NTMT1: variants seen among roughly 807,000 people sequenced by gnomAD.
The protein encoded by NTMT1 is N-terminal RCC1 methyltransferase.
NTMT1 carries 8 observed loss-of-function variants against 17.5 expected under a neutral mutation model. That is an observed-to-expected ratio of 0.46 (90% CI 0.27 to 0.82). The LOEUF is 0.82. Ranked by LOEUF, NTMT1 falls within the 40% of genes least tolerant of loss-of-function variation. NTMT1 has a pLI of 0.15. For missense variants in NTMT1, 221 were observed against 303.5 expected, an observed-to-expected ratio of 0.73 and a Z score of 2.02; for synonymous variants, 128 against 126.8, an observed-to-expected ratio of 1.01 and a Z score of -0.06.
rs1449895019 is a variant in NTMT1, at chr9:129,634,035, A to G, written c.163-19A>G. ...GGTGACAGGGTCCCTCTGATAGGTT[A>G]TATGCCTCTGCTTTTCAGGAAGGCC... On this transcript the variant is annotated intron_variant, in intron 2 of 3. Coordinates refer to ENST00000372483, the MANE Select transcript of NTMT1 (RefSeq NM_014064.4). 3.7e-6 allele frequency: 6 copies of G among 1,611,802 alleles called. No homozygotes were observed. Among genetic ancestry groups the G allele is most frequent in the Non-Finnish European group, 5.1e-6 (6 of 1,178,484 alleles).
At chr9:129,615,026 A>C (rs1830285443) in intron 1 of NTMT1, among the ~76,000 whole-genome samples, 1 of 152,220 alleles carries the variant, frequency 6.6e-6, no homozygotes, top group African/African-American at 2.4e-5. Flanking sequence ...AGGAGAGAGA[A>C]AGTTTCCGCT....
rs1831335639 is a variant in NTMT1, at chr9:129,633,815, A to G, written c.163-239A>G. 8 of 497,988 alleles carry G rather than the reference A, an allele frequency of 1.6e-5. No individual in the cohort carries two copies. The South Asian group carries it at 2.1e-4, about 13-fold the overall frequency. 30.8% of individuals were successfully genotyped at this position (497,988 alleles called of 1,614,324 possible). On this transcript the variant is annotated intron_variant, in intron 2 of 3. Transcript: ENST00000372483. ...ACCACTGCATTCCAACCTGAACAGA[A>G]TGCAGAATGCAACCTGAACTTTCAA... is the stretch of plus-strand genomic sequence containing the variant.
chr9:129,626,542 G>C (rs190210889), intron 1 of NTMT1: 4 of 152,652 alleles, frequency 2.6e-5, no homozygotes, highest in African/African-American at 9.6e-5. Flanking sequence ...CAAAGCCCAG[G>C]CAGGGCACTC....
intron 1 of NTMT1, among the ~76,000 whole-genome samples, chr9:129,632,259 T>C (rs549329028): frequency 6.6e-6 from 1 of 152,024 alleles, no homozygotes; most frequent in Non-Finnish European, 1.5e-5. Context: ...GACCAACCTT[T>C]GTAACATAGT....
intron 1 of NTMT1, chr9:129,612,319 G>A (rs1194897533): frequency 1.9e-6 from 3 of 1,584,944 alleles, no homozygotes; most frequent in Non-Finnish European, 1.7e-6. Flanking sequence ...TGGCCCATGT[G>A]TGCCCCTGGC....
Position 129,613,567 on chromosome 9 carries a change from G to A in NTMT1, c.-55+4389G>A, listed in dbSNP as rs1024080988. The A allele has an allele frequency of 8.1e-6, 13 of 1,614,142 alleles. No homozygotes were observed. ...CCGCTCGGACGCCACTGGCAGGGCG[G>A]CCTTCTGGTTCACAATGACGCTCTG... On this transcript the variant is annotated intron_variant, in intron 1 of 3. Coordinates refer to the NTMT1 transcript ENST00000372486. The surrounding 1 kb of genome is among the most constrained non-coding windows in gnomAD (Gnocchi z 6.2).
At position 129,613,149 on chromosome 9, in the gene NTMT1, G is replaced by A; in HGVS notation, c.-55+3971G>A. 1.2e-6 allele frequency: 2 copies of A among 1,613,904 alleles called. No homozygotes were observed. ...GCGGGTCCAAGAAGGCTCGGAGGCT[G>A]CTTCGCGGCCTCTGAGCAGCGGCCT... On this transcript the variant is annotated intron_variant, in intron 1 of 3. Transcript: ENST00000372486. The surrounding 1 kb of genome is among the most constrained non-coding windows in gnomAD (Gnocchi z 6.2).
At position 129,634,119 on chromosome 9, in the gene NTMT1, C is replaced by A; in HGVS notation, c.228C>A (p.Thr76=). 1.2e-6 allele frequency: 2 copies of A among 1,614,100 alleles called. No individual in the cohort carries two copies. Among genetic ancestry groups the A allele is most frequent in the Non-Finnish European group, 1.7e-6 (2 of 1,179,976 alleles). Residue 76 remains threonine, a synonymous_variant, in exon 3 of 4, where the codon ACC becomes ACA. Transcript: ENST00000372483. The stretch of plus-strand genomic sequence containing the variant: ...GTGGAGCTGGCATTGGGAGGATCAC[C>A]AAGCGGCTGCTCCTGCCGCTGTTCA... The part of the protein sequence containing the change: ...LDCGAGIGRI[T]KRLLLPLFRE...
At chr9:129,633,747 G>A (rs1225573614) in intron 2 of NTMT1, 1 of 260,392 alleles carries the variant, frequency 3.8e-6, no homozygotes, top group African/African-American at 2.2e-5. Context: ...GATGGAGGAT[G>A]GCTTGAGCCC....
chr9:129,633,023 C>T (rs1259371976), intron 2 of NTMT1, 158 bp downstream of exon 2: 3 of 759,356 alleles, frequency 4.0e-6, no homozygotes, highest in East Asian at 5.4e-5. Flanking sequence ...TGGGTGGGCA[C>T]AGTGGGGTAA....
rs183816323 is a variant in NTMT1 at position 129,635,554 on chromosome 9, G to T, written c.*90G>T. ...GATCCAGGCGCCACGCTGGCGGTTCGTGAGTGTCGAGGCACCACTAAATAT... is the reference window on the plus strand; with the variant it reads ...GATCCAGGCGCCACGCTGGCGGTTCTTGAGTGTCGAGGCACCACTAAATAT... On this transcript the variant is annotated 3_prime_UTR_variant, in exon 4 of 4. Transcript: ENST00000372483. 6.9e-7 allele frequency: 1 copy of T among 1,456,318 alleles called. No homozygotes were observed. The highest frequency in any genetic ancestry group is 2.0e-5 in the Admixed American group (1 of 50,732). The allele number at this position is 1,456,318 out of a possible 1,614,324, so 90.2% of individuals were successfully genotyped here.
In NTMT1 at chr9:129,632,714, A is replaced by C; in HGVS notation, c.11A>C (p.Glu4Ala). 6.2e-7 allele frequency: 1 copy of C among 1,614,058 alleles called. No individual in the cohort carries two copies. Among genetic ancestry groups the C allele is most frequent in the Non-Finnish European group, 8.5e-7 (1 of 1,179,972 alleles). MTS[E>A]VIEDEKQFYS... ...GTGGTTGGTGACAGCATGACGAGCG[A>C]GGTGATAGAAGACGAGAAGCAATTC... Residue 4 changes from glutamate (E) to alanine (A), a missense_variant, in exon 2 of 4, where the codon GAG (glutamate) becomes GCG (alanine). Physicochemically the swap from Glu to Ala is moderately radical, Grantham distance 107. Transcript: ENST00000372483.
chr9:129,612,371 T>A (rs754962322), intron 1 of NTMT1: 28 of 1,613,840 alleles, frequency 1.7e-5, no homozygotes, highest in Middle Eastern at 1.7e-4. Flanking sequence ...GCTGCAGTGT[T>A]GCGGAGGCCA....
At chr9:129,626,931 C>T (rs1830928540) in intron 1 of NTMT1, among the ~76,000 whole-genome samples, 1 of 152,248 alleles carries the variant, frequency 6.6e-6, no homozygotes, top group Admixed American at 6.5e-5. Context: ...GTGATTGCCA[C>T]AACTGGTGTC....
upstream of NTMT1, among the ~76,000 whole-genome samples, chr9:129,621,268 A>T (rs1178675583): frequency 6.6e-6 from 1 of 152,178 alleles, no homozygotes; most frequent in Non-Finnish European, 1.5e-5. Flanking sequence ...GAGCCTGTTG[A>T]AAATACAGAT....
At chr9:129,634,787 C>CT (rs1306627101) in intron 3 of NTMT1, 20 of 256,048 alleles carry the variant, frequency 7.8e-5, no homozygotes, top group African/African-American at 3.6e-4. Context: ...TGTGGACACT[C>CT]TAGGTCTGGC....
intron 1 of NTMT1, chr9:129,619,412 G>A: frequency 1.3e-6 from 1 of 787,632 alleles, no homozygotes; most frequent in Non-Finnish European, 2.1e-6. Context: ...TGGATGAATG[G>A]GTAGATAGGT....
At chr9:129,633,751 T>G (rs952143236) in intron 2 of NTMT1, 5 of 268,636 alleles carry the variant, frequency 1.9e-5, no homozygotes, top group Admixed American at 1.6e-4. Flanking sequence ...GAGGATGGCT[T>G]GAGCCCAGGA....
chr9:129,621,095 G>A (rs1182005446), intron 1 of NTMT1, among the ~76,000 whole-genome samples: 1 of 152,236 alleles, frequency 6.6e-6, no homozygotes, highest in East Asian at 1.9e-4. Flanking sequence ...CATCACCGCT[G>A]GTAGAGAGAG....
Sources: allele counts gnomAD v4.1 joint callset (sites outside exome capture counted in the v4.1 genomes callset), GRCh38; gene constraint gnomAD v4.1.1; non-coding constraint Gnocchi (gnomAD v3.1); transcripts MANE v1.5; gene names NCBI Gene and HGNC (gene_info 2026-07-23, HGNC 2026-07-21).